Variants in PIEZO2 observed in about 807,000 individuals in gnomAD.
PIEZO2 encodes the protein piezo type mechanosensitive ion channel component 2.
In PIEZO2, 172 loss-of-function variants were observed where a neutral mutation model predicts 337.3. The ratio of observed to expected loss-of-function variants is 0.51; its 90% confidence interval spans 0.45 to 0.58. PIEZO2 has a LOEUF of 0.58. PIEZO2 is among the 20% of genes least tolerant of loss of function. The pLI, the probability that PIEZO2 is intolerant of heterozygous loss-of-function variation, is 0.00. For missense variants in PIEZO2, 3,028 were observed against 3,391.3 expected (o/e 0.89, Z 2.66); for synonymous variants, 1,251 against 1,228.5 (o/e 1.02, Z -0.38).
chr18:11,101,210 C>T lies in PIEZO2; in HGVS notation c.65-34988G>A, dbSNP rs984234691. On this transcript the variant is annotated intron_variant, in intron 1 of 55. Coordinates refer to ENST00000674853, the MANE Select transcript of PIEZO2 (RefSeq NM_001378183.1). The surrounding 1 kb of genome is among the most constrained non-coding windows in gnomAD (Gnocchi z 4.4). ...CTCATTCCATCTGGGCCAGCCCAAGCCCTTTACTGACCTCCCTAATCCTCA... is the reference window on the plus strand; with the variant it reads ...CTCATTCCATCTGGGCCAGCCCAAGTCCTTTACTGACCTCCCTAATCCTCA... Among the ~76,000 whole-genome samples the T allele has an allele frequency of 6.6e-5, 10 of 152,218 alleles. No homozygotes were observed. The highest frequency in any genetic ancestry group is 1.4e-4 in the African/African-American group (6 of 41,466).
Position 10,726,507 on chromosome 18 carries a change from C to T in PIEZO2, c.5029+4900G>A. 6.7e-7 allele frequency: 1 copy of T among 1,490,002 alleles called. No homozygotes were observed. The highest frequency in any genetic ancestry group is 8.9e-7 in the Non-Finnish European group (1 of 1,124,534). 92.3% of individuals were successfully genotyped at this position (1,490,002 alleles called of 1,614,324 possible). A position where few individuals can be genotyped will look rare whatever the true frequency, so the allele number is the denominator to read the frequency against. On this transcript the variant is annotated intron_variant, in intron 36 of 55. Transcript: ENST00000674853. This position sits in a 1 kb window ranked among gnomAD's most constrained non-coding sequence, Gnocchi z 5.9. ...CACAGCGTGCTGCTCCGCAAGCAGC[C>T]GTTCCTGTGGCGCGCTGCGCTGCTC...
chr18:10,942,239 C>T lies in PIEZO2; in HGVS notation c.287-31011G>A, dbSNP rs531175731. Among the ~76,000 whole-genome samples the T allele has an allele frequency of 1.3e-5, 2 of 152,188 alleles. No homozygotes were observed. The highest frequency in any genetic ancestry group is 2.4e-5 in the African/African-American group (1 of 41,520). On this transcript the variant is annotated intron_variant, in intron 3 of 55. Transcript: ENST00000674853. The surrounding 1 kb of genome is among the most constrained non-coding windows in gnomAD (Gnocchi z 4.4). ...GAAAAGATATCCCAAAATGTGAAAG[C>T]GATTTTGGAACTGGGTAACATGCAG...
rs148589336 is a variant in PIEZO2, at chr18:10,853,883, T to C, written c.917+1470A>G. Among the ~76,000 whole-genome samples the C allele has an allele frequency of 2.0e-5, 3 of 152,332 alleles. No individual in the cohort carries two copies. The highest frequency in any genetic ancestry group is 2.0e-4 in the Admixed American group (3 of 15,302). ...ACACCTAAGAAATCAGCAATAATTC[T>C]ATAGTCCAATATCCAGTGAACATTG... On this transcript the variant is annotated intron_variant, in intron 7 of 55. Transcript: ENST00000674853. This position sits in a 1 kb window ranked among gnomAD's most constrained non-coding sequence, Gnocchi z 4.2.
rs1238476285 is a variant in PIEZO2 at position 10,830,780 on chromosome 18, T to A, written c.918-23506A>T. On this transcript the variant is annotated intron_variant, in intron 7 of 55. Transcript: ENST00000674853. This position sits in a 1 kb window ranked among gnomAD's most constrained non-coding sequence, Gnocchi z 4.7. ...GGAAAAAATACTTGCAGACCATCCA[T>A]CTGACAAGGAATTAATAATCAGGAT... 6.6e-6 allele frequency among the ~76,000 whole-genome samples: 1 copy of A among 152,128 alleles called. No individual in the cohort carries two copies. Among genetic ancestry groups the A allele is most frequent in the Non-Finnish European group, 1.5e-5 (1 of 68,006 alleles).
chr18:10,720,449 ATATATATATATATATATATATATATT>A, intron 36 of PIEZO2, among the ~76,000 whole-genome samples: 1 of 60,454 alleles, frequency 1.7e-5, no homozygotes, highest in Admixed American at 2.0e-4. Flanking sequence ...ATATATATAT[ATATATATATATATATATATATATATT>A]AGAGTCAGGT....
At position 11,111,696 on chromosome 18, in the gene PIEZO2, G is replaced by A. The variant is rs1189868158; in HGVS notation, c.64+36829C>T. The stretch of plus-strand genomic sequence containing the variant: ...ATCCCCACTTAATTGAAGTCGACAA[G>A]GCTTCTTGAACTGACACCGTCACAC... On this transcript the variant is annotated intron_variant, in intron 1 of 55. Transcript: ENST00000674853. The surrounding 1 kb of genome is among the most constrained non-coding windows in gnomAD (Gnocchi z 6.2). Among the ~76,000 whole-genome samples the A allele has an allele frequency of 3.9e-5, 6 of 152,190 alleles. No homozygotes were observed. Among genetic ancestry groups the A allele is most frequent in the Non-Finnish European group, 8.8e-5 (6 of 68,048 alleles).
intron 29 of PIEZO2, among the ~76,000 whole-genome samples, chr18:10,749,304 A>T (rs1255945640): frequency 6.6e-6 from 1 of 152,044 alleles, no homozygotes; most frequent in Non-Finnish European, 1.5e-5. Flanking sequence ...AAAATTAGCC[A>T]GGCATAGTGG....
In PIEZO2 at chr18:11,125,966, C is replaced by G. The variant is rs139231709; in HGVS notation, c.64+22559G>C. On this transcript the variant is annotated intron_variant, in intron 1 of 55. Transcript: ENST00000674853. This position sits in a 1 kb window ranked among gnomAD's most constrained non-coding sequence, Gnocchi z 4.4. ...TGGTGCCTACCATAAGATGGACAGA[C>G]AAGTAGCACGTGACTGTGGTTTTAT... Among the ~76,000 whole-genome samples, 2 of 152,210 alleles carry G rather than the reference C, an allele frequency of 1.3e-5. No homozygotes were observed. Among genetic ancestry groups the G allele is most frequent in the African/African-American group, 2.4e-5 (1 of 41,458 alleles).
At chr18:11,055,160 G>A (rs1378084699) in intron 2 of PIEZO2, among the ~76,000 whole-genome samples, 1 of 139,366 alleles carries the variant, frequency 7.2e-6, no homozygotes, top group African/African-American at 2.7e-5. Context: ...GCAGTGAGCC[G>A]AGATCGTGCC....
chr18:11,034,108 G>T (rs1052550749), intron 2 of PIEZO2, among the ~76,000 whole-genome samples: 6 of 151,994 alleles, frequency 3.9e-5, no homozygotes, highest in Non-Finnish European at 7.4e-5. Flanking sequence ...GCTAGTGCTC[G>T]TCGTACCTGT....
intron 51 of PIEZO2, among the ~76,000 whole-genome samples, 193 bp from the exon 52 acceptor site, chr18:10,680,564 C>CA (rs2143490745): frequency 1.3e-5 from 2 of 152,282 alleles, no homozygotes; most frequent in South Asian, 4.1e-4. Flanking sequence ...GGGCAGTTTC[C>CA]AGTTACATTA....
intron 52 of PIEZO2, among the ~76,000 whole-genome samples, 180 bp downstream of exon 52, chr18:10,680,019 A>G (rs781256873): frequency 2.1e-4 from 32 of 152,230 alleles, no homozygotes; most frequent in Admixed American, 6.5e-5. Context: ...GCAAGTCATT[A>G]TTTAATACAT....
rs2037530611 is a variant in PIEZO2 at position 10,748,847 on chromosome 18, C to T, written c.4265-217G>A. 6.6e-6 allele frequency among the ~76,000 whole-genome samples: 1 copy of T among 152,148 alleles called. No homozygotes were observed. Among genetic ancestry groups the T allele is most frequent in the Non-Finnish European group, 1.5e-5 (1 of 68,026 alleles). ...AAGGCTGACCATGCATTGAACTCTTCACACTACAAGGCTCAGGAGGGCCCT... is the reference window on the plus strand; with the variant it reads ...AAGGCTGACCATGCATTGAACTCTTTACACTACAAGGCTCAGGAGGGCCCT... On this transcript the variant is annotated intron_variant, in intron 29 of 55. Transcript: ENST00000674853. This position sits in a 1 kb window ranked among gnomAD's most constrained non-coding sequence, Gnocchi z 5.1.
intron 44 of PIEZO2, 89 bp from the exon 45 acceptor site, chr18:10,697,969 G>C: frequency 1.6e-6 from 2 of 1,237,618 alleles, no homozygotes. Flanking sequence ...GAGCCCACAT[G>C]GTGGAGGGAT....
chr18:10,957,144 A>G (rs1234411455), intron 3 of PIEZO2, among the ~76,000 whole-genome samples: 1 of 152,086 alleles, frequency 6.6e-6, no homozygotes, highest in Non-Finnish European at 1.5e-5. Context: ...CACGCCTGTA[A>G]TCCCAACACT....
intron 1 of PIEZO2, among the ~76,000 whole-genome samples, chr18:11,121,300 A>G (rs1341240424): frequency 1.3e-5 from 2 of 152,136 alleles, no homozygotes; most frequent in Non-Finnish European, 2.9e-5. Context: ...CATGCCTGTA[A>G]TCCCAGTACT....
At chr18:10,886,487 C>CATATATATATATATGTATATAT in intron 4 of PIEZO2, among the ~76,000 whole-genome samples, 1 of 45,890 alleles carries the variant, frequency 2.2e-5, no homozygotes, top group Non-Finnish European at 3.4e-5. Context: ...ATATCCAAAC[C>CATATATATATATATGTATATAT]ATATATATAT....
intron 1 of PIEZO2, among the ~76,000 whole-genome samples, chr18:11,136,297 G>A (rs1478944753): frequency 6.6e-6 from 1 of 152,232 alleles, no homozygotes; most frequent in Non-Finnish European, 1.5e-5. Context: ...GAAAGTTATT[G>A]CTAAGAGGTT....
At chr18:11,141,668 G>A (rs1182011164) in intron 1 of PIEZO2, among the ~76,000 whole-genome samples, 3 of 152,186 alleles carry the variant, frequency 2.0e-5, no homozygotes, top group African/African-American at 2.4e-5. Context: ...GCAGACGAAC[G>A]GCTTGTTCAC....
Sources: allele counts gnomAD v4.1 joint callset (sites outside exome capture counted in the v4.1 genomes callset), GRCh38; gene constraint gnomAD v4.1.1; non-coding constraint Gnocchi (gnomAD v3.1); transcripts MANE v1.5; gene names NCBI Gene and HGNC (gene_info 2026-07-23, HGNC 2026-07-21).